Variants in VTA1 observed in about 807,000 individuals in gnomAD.
The protein encoded by VTA1 is vacuolar protein sorting-associated protein VTA1 homolog.
VTA1 carries 24 observed loss-of-function variants against 36.9 expected under a neutral mutation model. That is an observed-to-expected ratio of 0.65 (90% confidence interval 0.47 to 0.91). The LOEUF (loss-of-function observed/expected upper bound fraction) is 0.91. Ranked by LOEUF, VTA1 falls within the 40% of genes least tolerant of loss-of-function variation. VTA1 has a pLI of 0.00. For missense variants in VTA1, 393 were observed against 377.2 expected (o/e 1.04, Z -0.35); for synonymous variants, 142 against 130.2 (o/e 1.09, Z -0.62).
In VTA1 at chr6:142,179,712, A is replaced by G. The variant is rs1775191878; in HGVS notation, c.411+9291A>G. Among the ~76,000 whole-genome samples, 2 of 152,196 alleles carry G rather than the reference A, an allele frequency of 1.3e-5. 1 individual carries two copies. The highest frequency in any genetic ancestry group is 4.1e-4 in the South Asian group (2 of 4,836). ...AAGTATGGTTTACCCAGGTATATTA[A>G]TCTGTTTGTCACAATATTAAATTGT... On this transcript the variant is annotated intron_variant, in intron 4 of 7. Transcript: ENST00000367630.
At chr6:142,211,152 A>C (rs900767853) in intron 7 of VTA1, among the ~76,000 whole-genome samples, 1 of 152,132 alleles carries the variant, frequency 6.6e-6, no homozygotes, top group Non-Finnish European at 1.5e-5. Context: ...ATTAGTGGTT[A>C]CCAAAGGCCA....
At chr6:142,201,805 C>A (rs1435240789) in intron 6 of VTA1, among the ~76,000 whole-genome samples, 1 of 151,984 alleles carries the variant, frequency 6.6e-6, no homozygotes, top group African/African-American at 2.4e-5. Flanking sequence ...TTCACTCATT[C>A]TTTCCTTATA....
At chr6:142,150,930 C>T (rs1052433298) in intron 1 of VTA1, among the ~76,000 whole-genome samples, 1 of 149,870 alleles carries the variant, frequency 6.7e-6, no homozygotes, top group Non-Finnish European at 1.5e-5. Flanking sequence ...AAAAAAAAAG[C>T]TAAGCATGAA....
rs79111400 is a variant in VTA1 at position 142,224,142 on chromosome 6, C to T, written c.*5499C>T. 244 of 152,256 alleles carry T rather than the reference C, an allele frequency of 1.6e-3. No homozygotes were observed. Among genetic ancestry groups the T allele is most frequent in the African/African-American group, 5.6e-3 (233 of 41,534 alleles). 9.4% of individuals were successfully genotyped at this position (152,256 alleles called of 1,614,324 possible). On this transcript the variant is annotated 3_prime_UTR_variant, in exon 8 of 8. Coordinates refer to ENST00000367630, the MANE Select transcript of VTA1 (RefSeq NM_016485.5). Reference sequence around the variant, plus strand: ...GGCCCTAATCCTATAGGTCTGCTGTCATTACAAGAAGAGGAAGAGCCACCG... The same window carrying T: ...GGCCCTAATCCTATAGGTCTGCTGTTATTACAAGAAGAGGAAGAGCCACCG...
At chr6:142,178,247 T>G (rs933252186) in intron 4 of VTA1, among the ~76,000 whole-genome samples, 2 of 152,094 alleles carry the variant, frequency 1.3e-5, no homozygotes, top group African/African-American at 4.8e-5. Flanking sequence ...TTCTCATTTT[T>G]TAAAAAATTG....
At chr6:142,172,730 A>G (rs1217016241) in intron 4 of VTA1, among the ~76,000 whole-genome samples, 1 of 152,216 alleles carries the variant, frequency 6.6e-6, no homozygotes, top group African/African-American at 2.4e-5. Context: ...TAATATAAAC[A>G]TGACATGATG....
chr6:142,218,453 CT>C (rs1273349716), intron 7 of VTA1, 44 bp from the exon 8 acceptor site: 8 of 1,597,516 alleles, frequency 5.0e-6, no homozygotes, highest in Admixed American at 1.7e-5. Flanking sequence ...TTACAGAACA[CT>C]TTTTATATTC....
At chr6:142,182,945 T>G (rs757507156) in intron 4 of VTA1, among the ~76,000 whole-genome samples, 3 of 151,772 alleles carry the variant, frequency 2.0e-5, no homozygotes, top group Non-Finnish European at 2.9e-5. Context: ...CTCCTGACAC[T>G]GGGACATGAA....
intron 4 of VTA1, among the ~76,000 whole-genome samples, chr6:142,188,875 T>TA (rs1775397779): frequency 6.6e-6 from 1 of 152,192 alleles, no homozygotes; most frequent in South Asian, 2.1e-4. Flanking sequence ...AATGAGGTAT[T>TA]ATTTTTCCCT....
At chr6:142,151,500 G>A (rs1177386283) in intron 1 of VTA1, among the ~76,000 whole-genome samples, 1 of 152,112 alleles carries the variant, frequency 6.6e-6, no homozygotes, top group Non-Finnish European at 1.5e-5. Context: ...GCTCCTGCAA[G>A]GCTCTGCAGC....
intron 1 of VTA1, 69 bp downstream of exon 1, chr6:142,147,468 G>A: frequency 6.8e-7 from 1 of 1,463,092 alleles, no homozygotes; most frequent in Non-Finnish European, 9.4e-7. Context: ...ACCTCCCTGA[G>A]GTTCTTGGGG....
intron 7 of VTA1, among the ~76,000 whole-genome samples, chr6:142,213,633 A>G (rs374117428): frequency 6.6e-6 from 1 of 152,194 alleles, no homozygotes; most frequent in Non-Finnish European, 1.5e-5. Context: ...GCATTTCCAT[A>G]CATTCTTTGA....
At chr6:142,162,051 C>G (rs776903241) in intron 1 of VTA1, among the ~76,000 whole-genome samples, 3 of 152,094 alleles carry the variant, frequency 2.0e-5, no homozygotes, top group Non-Finnish European at 2.9e-5. Flanking sequence ...TACATATGCA[C>G]ACAAACTAAG....
intron 4 of VTA1, among the ~76,000 whole-genome samples, chr6:142,183,085 A>G (rs1043704572): frequency 2.0e-5 from 3 of 152,202 alleles, no homozygotes; most frequent in Non-Finnish European, 4.4e-5. Context: ...TCACCTGTTC[A>G]TGCTGATAGG....
At chr6:142,181,094 A>AAATATATATATATATATAT (rs1471429927) in intron 4 of VTA1, among the ~76,000 whole-genome samples, 31 of 36,430 alleles carry the variant, frequency 8.5e-4, no homozygotes, top group South Asian at 1.4e-3. Flanking sequence ...AAAAAAAAAA[A>AAATATATATATATATATAT]ATATATATAT....
intron 6 of VTA1, among the ~76,000 whole-genome samples, chr6:142,203,569 T>C (rs1775730379): frequency 6.6e-6 from 1 of 152,140 alleles, no homozygotes; most frequent in African/African-American, 2.4e-5. Context: ...TCTTAAAATG[T>C]GTAAACTAGA....
intron 7 of VTA1, among the ~76,000 whole-genome samples, chr6:142,208,331 A>T (rs942314023): frequency 2.0e-5 from 3 of 152,198 alleles, no homozygotes; most frequent in African/African-American, 7.2e-5. Flanking sequence ...AACAGAATGA[A>T]GTAAGCAGAA....
At position 142,211,362 on chromosome 6, in the gene VTA1, T is replaced by C. The variant is rs183251825; in HGVS notation, c.779-7136T>C. Among the ~76,000 whole-genome samples, 671 of 152,152 alleles carry C rather than the reference T, an allele frequency of 4.4e-3. 3 individuals are homozygous for C. Among genetic ancestry groups the C allele is most frequent in the Admixed American group, 6.8e-3 (104 of 15,282 alleles). On this transcript the variant is annotated intron_variant, in intron 7 of 7. Coordinates refer to ENST00000367630, the MANE Select transcript of VTA1 (RefSeq NM_016485.5). ...AAGATAGCATAAGAGAAAATCCAGA[T>C]GACTTTGGGTTGAGCAATGACTTTT...
At chr6:142,159,863 C>T (rs1407151863) in intron 1 of VTA1, among the ~76,000 whole-genome samples, 1 of 151,890 alleles carries the variant, frequency 6.6e-6, no homozygotes, top group South Asian at 2.1e-4. Flanking sequence ...TGTGTATATT[C>T]CATTTCTCCT....
Sources: gnomAD v4.1 joint callset for allele counts (sites outside exome capture counted in the v4.1 genomes callset) on GRCh38, gnomAD v4.1.1 for gene constraint, MANE v1.5 for transcripts, NCBI Gene and HGNC (gene_info 2026-07-23, HGNC 2026-07-21) for gene names.